EDDM13: variants seen among roughly 807,000 people sequenced by gnomAD.
EDDM13 encodes the protein epididymal protein 13.
A neutral mutation model predicts 17.8 loss-of-function variants in EDDM13; 24 were observed. The observed-to-expected ratio is 1.35, with a 90% CI of 0.98 to 1.90. The LOEUF (loss-of-function observed/expected upper bound fraction) is 1.90, where lower values mean the gene tolerates loss of function less well. Among genes scored for constraint, EDDM13 ranks in the 40% most tolerant of loss-of-function variants. The probability of loss-of-function intolerance (pLI) is 0.00; values close to 1 mark genes in which losing one functional copy is unlikely to be tolerated. For missense variants in EDDM13, 97 were observed against 100.8 expected, an observed-to-expected ratio of 0.96 and a Z score of 0.16; for synonymous variants, 31 against 37.5, an observed-to-expected ratio of 0.83 and a Z score of 0.63.
chr19:56,281,725 T>C (rs1568689667), intron 3 of EDDM13, 27 bp downstream of exon 3: 3 of 985,034 alleles, frequency 3.0e-6, no homozygotes, highest in Non-Finnish European at 3.6e-6. Context: ...TCTCCCTACA[T>C]AAATGGGGAG....
intron 14 of EDDM13, among the ~76,000 whole-genome samples, chr19:56,305,882 A>C (rs1210796135): frequency 6.6e-6 from 1 of 151,536 alleles, no homozygotes; most frequent in Non-Finnish European, 1.5e-5. Flanking sequence ...CAAGTGAAAG[A>C]GCCTCCAGGT....
At chr19:56,308,652 A>G (rs1240218962) in intron 14 of EDDM13, among the ~76,000 whole-genome samples, 1 of 144,018 alleles carries the variant, frequency 6.9e-6, no homozygotes, top group Non-Finnish European at 1.5e-5. Context: ...TTCCCCCCAA[A>G]ACATCACATT....
chr19:56,293,169 C>A (rs2039632762), intron 9 of EDDM13, among the ~76,000 whole-genome samples: 1 of 152,174 alleles, frequency 6.6e-6, no homozygotes, highest in Non-Finnish European at 1.5e-5. Context: ...AAAATGGTAT[C>A]CTGCAGCTCA....
At chr19:56,304,719 A>T (rs8182493) in intron 13 of EDDM13, 74 bp from the exon 14 acceptor site, 1 of 865,672 alleles carries the variant, frequency 1.2e-6, no homozygotes, top group Non-Finnish European at 1.4e-6. Flanking sequence ...GGAGAAAGGG[A>T]GGTAAGGAAG....
chr19:56,290,952 A>G (rs1000450683), intron 9 of EDDM13, among the ~76,000 whole-genome samples, 106 bp downstream of exon 9: 13 of 152,224 alleles, frequency 8.5e-5, no homozygotes, highest in South Asian at 2.1e-4. Context: ...TTCTCAATGT[A>G]GAACACAAGT....
In EDDM13 at chr19:56,291,251, G is replaced by A. The variant is rs189856804; in HGVS notation, c.232+405G>A. Reference sequence around the variant, plus strand: ...TTCCTCAAGCTCCCTCCTGACCCTCGGGGGAGAAATGAGAGAGAACCCTGG... The same window carrying A: ...TTCCTCAAGCTCCCTCCTGACCCTCAGGGGAGAAATGAGAGAGAACCCTGG... On this transcript the variant is annotated intron_variant, in intron 9 of 14. Transcript: ENST00000649256. 1.7e-4 allele frequency among the ~76,000 whole-genome samples: 26 copies of A among 152,282 alleles called. No individual in the cohort carries two copies. In the East Asian group the frequency reaches 3.5e-3, roughly 20 times the overall value.
chr19:56,285,172 A>G (rs2039011887), intron 6 of EDDM13, 148 bp downstream of exon 6: 4 of 250,032 alleles, frequency 1.6e-5, no homozygotes, highest in Non-Finnish European at 2.5e-5. Context: ...ACTTTGATGT[A>G]ATGAAAATCT....
intron 6 of EDDM13, chr19:56,286,434 C>G (rs1396940641): frequency 6.6e-6 from 1 of 152,030 alleles, no homozygotes; most frequent in Non-Finnish European, 1.5e-5. Context: ...CGCCAGAACC[C>G]CCACACCTCC....
intron 14 of EDDM13, among the ~76,000 whole-genome samples, chr19:56,307,286 T>TAA (rs2040751635): frequency 6.6e-6 from 1 of 152,182 alleles, no homozygotes; most frequent in Non-Finnish European, 1.5e-5. Context: ...AAATGTCAAC[T>TAA]CGATCATACG....
Position 56,285,483 on chromosome 19 carries a change from A to T in EDDM13, c.154+459A>T, listed in dbSNP as rs558375056. 9.2e-5 allele frequency among the ~76,000 whole-genome samples: 14 copies of T among 152,330 alleles called. 1 individual carries two copies. The South Asian group carries it at 1.9e-3, about 20-fold the overall frequency. ...TTTACCTCTTTCAAATACCTGAGAAATGCTTCGTGTGTACTCCCATAATTT... is the reference window on the plus strand; with the variant it reads ...TTTACCTCTTTCAAATACCTGAGAATTGCTTCGTGTGTACTCCCATAATTT... On this transcript the variant is annotated intron_variant, in intron 6 of 14. Transcript: ENST00000649256.
At chr19:56,299,502 G>C (rs1227789515) in intron 12 of EDDM13, among the ~76,000 whole-genome samples, 1 of 151,682 alleles carries the variant, frequency 6.6e-6, no homozygotes, top group Admixed American at 6.6e-5. Flanking sequence ...ATATAATAAG[G>C]AATAGCCACC....
chr19:56,291,296 A>G (rs961047809), intron 9 of EDDM13, among the ~76,000 whole-genome samples: 2 of 152,224 alleles, frequency 1.3e-5, no homozygotes, highest in Admixed American at 1.3e-4. Flanking sequence ...GGGATGCTCT[A>G]GTATCTTCCT....
chr19:56,276,306 C>G (rs2038247536), intron 2 of EDDM13, among the ~76,000 whole-genome samples, 197 bp downstream of exon 2: 1 of 152,144 alleles, frequency 6.6e-6, no homozygotes, highest in Admixed American at 6.5e-5. Context: ...ACTAAAAGAG[C>G]AGCCCTCCTT....
intron 6 of EDDM13, among the ~76,000 whole-genome samples, chr19:56,287,867 G>C (rs144911156): frequency 4.1e-4 from 63 of 152,268 alleles, no homozygotes; most frequent in African/African-American, 1.4e-3. Context: ...ATCCTTATAA[G>C]CCCTCTAAGA....
chr19:56,289,428 C>G (rs536168857), intron 8 of EDDM13, among the ~76,000 whole-genome samples: 6 of 152,264 alleles, frequency 3.9e-5, no homozygotes, highest in African/African-American at 1.4e-4. Flanking sequence ...GATGGTGGAG[C>G]AGTCTCTTCG....
At chr19:56,280,150 C>T (rs1258147283) in intron 2 of EDDM13, among the ~76,000 whole-genome samples, 1 of 152,112 alleles carries the variant, frequency 6.6e-6, no homozygotes, top group Non-Finnish European at 1.5e-5. Context: ...TATTCAAAGT[C>T]CTCTTGTTTC....
chr19:56,281,704 T>G lies in EDDM13; in HGVS notation c.109+6T>G. On this transcript the variant is annotated splice_donor_region_variant and intron_variant, in intron 3 of 14. Transcript: ENST00000649256. ...GCTGCCCCTTCCAGTCAACTGTAAG[T>G]CATATCTCCTTCTCCCTACATAAAT... 4 of 985,342 alleles carry G rather than the reference T, an allele frequency of 4.1e-6. No individual in the cohort carries two copies. The highest frequency in any genetic ancestry group is 3.6e-6 in the Non-Finnish European group (3 of 829,880). The allele number at this position is 985,342 out of a possible 1,614,324, so 61.0% of individuals were successfully genotyped here. A position where few individuals can be genotyped will look rare whatever the true frequency, so the allele number is the denominator to read the frequency against.
At chr19:56,293,611 C>T (rs1417513020) in intron 9 of EDDM13, among the ~76,000 whole-genome samples, 1 of 152,162 alleles carries the variant, frequency 6.6e-6, no homozygotes, top group African/African-American at 2.4e-5. Context: ...GGCCCCTGGT[C>T]GGTACAATGC....
intron 8 of EDDM13, among the ~76,000 whole-genome samples, chr19:56,289,609 T>C (rs1250907065): frequency 6.6e-6 from 1 of 152,024 alleles, no homozygotes; most frequent in Non-Finnish European, 1.5e-5. Flanking sequence ...TGGTGGTCTG[T>C]TTGTTTGTTT....
Sources: allele counts gnomAD v4.1 joint callset (sites outside exome capture counted in the v4.1 genomes callset), GRCh38; gene constraint gnomAD v4.1.1; transcripts MANE v1.5; gene names NCBI Gene and HGNC (gene_info 2026-07-23, HGNC 2026-07-21).